PKHD1L1: variants seen among roughly 807,000 people sequenced by gnomAD.
The protein encoded by PKHD1L1 is fibrocystin-L.
PKHD1L1 carries 434 observed loss-of-function variants against 462.9 expected under a neutral mutation model. The ratio of observed to expected loss-of-function variants is 0.94; its 90% CI spans 0.87 to 1.02. The LOEUF (loss-of-function observed/expected upper bound fraction) is 1.02. Among genes scored for constraint, PKHD1L1 ranks in the 50% least tolerant of loss-of-function variants. PKHD1L1 has a pLI of 0.00. For synonymous variants in PKHD1L1, 1,781 were observed against 1,750.0 expected (o/e 1.02, Z -0.44); for missense variants, 5,202 against 5,096.1 (o/e 1.02, Z -0.63).
intron 76 of PKHD1L1, among the ~76,000 whole-genome samples, chr8:109,524,529 G>A (rs958918388): frequency 1.3e-5 from 2 of 152,080 alleles, no homozygotes; most frequent in Non-Finnish European, 2.9e-5. Context: ...GACCCAATAA[G>A]TATCCAGTGG....
chr8:109,420,581 T>C lies in PKHD1L1; in HGVS notation c.2588T>C (p.Val863Ala). ...GGAATATTCTTAGAGCACTTTCAGG[T>C]GAATCAGACCAAAACAAATGGGCCA... The part of the protein sequence containing the change: ...NKGIFLEHFQ[V>A]NQTKTNGPTM... Residue 863 changes from valine (V) to alanine (A), a missense_variant, in exon 23 of 78, where the codon GTG becomes GCG. Val to Ala is a moderately conservative substitution (Grantham distance 64). Coordinates refer to ENST00000378402, the MANE Select transcript of PKHD1L1 (RefSeq NM_177531.6). 1 of 1,610,338 alleles carries C rather than the reference T, an allele frequency of 6.2e-7. No individual in the cohort carries two copies. Among genetic ancestry groups the C allele is most frequent in the Non-Finnish European group, 8.5e-7 (1 of 1,178,332 alleles).
chr8:109,401,691 A>T, intron 14 of PKHD1L1, 103 bp downstream of exon 14: 1 of 562,704 alleles, frequency 1.8e-6, no homozygotes, highest in Non-Finnish European at 3.0e-6. Context: ...AAGTGATATT[A>T]GTTTATTGGT....
At chr8:109,451,264 T>G in intron 41 of PKHD1L1, 115 bp downstream of exon 41, 1 of 1,132,942 alleles carries the variant, frequency 8.8e-7, no homozygotes, top group Non-Finnish European at 1.2e-6. Context: ...TGTACCTATA[T>G]GCTCGTAACT....
intron 34 of PKHD1L1, among the ~76,000 whole-genome samples, chr8:109,441,746 G>T (rs1035888823): frequency 6.6e-6 from 1 of 151,942 alleles, no homozygotes; most frequent in South Asian, 2.1e-4. Flanking sequence ...ACTATTTATT[G>T]ACTTTCCAAT....
chr8:109,396,829 G>A (rs1441754969), intron 11 of PKHD1L1, among the ~76,000 whole-genome samples: 1 of 152,158 alleles, frequency 6.6e-6, no homozygotes, highest in African/African-American at 2.4e-5. Context: ...ATGCAACAAG[G>A]CATATGCATT....
chr8:109,511,765 A>G (rs1003432618), intron 71 of PKHD1L1, among the ~76,000 whole-genome samples: 19 of 152,154 alleles, frequency 1.2e-4, no homozygotes, highest in African/African-American at 1.9e-4. Flanking sequence ...CTGAGGAATC[A>G]CCACACTGAC....
chr8:109,453,051 A>G (rs576580085), intron 43 of PKHD1L1, among the ~76,000 whole-genome samples, 177 bp downstream of exon 43: 1 of 152,290 alleles, frequency 6.6e-6, no homozygotes, highest in East Asian at 1.9e-4. Flanking sequence ...GATATTATTT[A>G]ATGTGTTGCA....
chr8:109,414,920 A>G (rs1814054992), intron 21 of PKHD1L1, among the ~76,000 whole-genome samples: 4 of 151,498 alleles, frequency 2.6e-5, no homozygotes, highest in Admixed American at 2.6e-4. Context: ...CTGCTGCTCA[A>G]ATCTGCAATT....
intron 1 of PKHD1L1, among the ~76,000 whole-genome samples, chr8:109,363,542 A>G (rs1027408336): frequency 4.6e-5 from 7 of 152,156 alleles, no homozygotes; most frequent in Non-Finnish European, 5.9e-5. Flanking sequence ...TCTTTGTATC[A>G]TCCCTTAAAT....
intron 2 of PKHD1L1, among the ~76,000 whole-genome samples, chr8:109,379,353 T>C (rs974914692): frequency 2.6e-5 from 4 of 152,278 alleles, no homozygotes; most frequent in Middle Eastern, 3.4e-3. Flanking sequence ...TATACTGCCA[T>C]AGAATTCCAT....
intron 75 of PKHD1L1, 112 bp from the exon 76 acceptor site, chr8:109,523,121 G>C: frequency 8.8e-7 from 1 of 1,131,024 alleles, no homozygotes; most frequent in South Asian, 1.8e-5. Flanking sequence ...AGGAGCTTCT[G>C]CAGATTTTCA....
chr8:109,410,360 C>T (rs1357868100), intron 19 of PKHD1L1, among the ~76,000 whole-genome samples: 1 of 152,100 alleles, frequency 6.6e-6, no homozygotes, highest in Admixed American at 6.6e-5. Flanking sequence ...GTAGGCTGTA[C>T]AGGAAGCATG....
chr8:109,436,593 T>TA, intron 30 of PKHD1L1, 134 bp downstream of exon 30: 1 of 1,362,610 alleles, frequency 7.3e-7, no homozygotes, highest in Non-Finnish European at 9.7e-7. Flanking sequence ...TTATGCTCCT[T>TA]AAAACTTATT....
In PKHD1L1 at chr8:109,526,791, T is replaced by A. The variant is rs947431733; in HGVS notation, c.12492T>A (p.Asn4164Lys). The change falls in exon 77 of 78, where the codon AAT becomes AAA. Residue 4164 changes from asparagine (N) to lysine (K), a missense_variant. By Grantham distance (94) the Asn-to-Lys change is moderately conservative (BLOSUM62 0). Coordinates refer to ENST00000378402, the MANE Select transcript of PKHD1L1 (RefSeq NM_177531.6). ...TDLTPLRTGK[N>K]YKIEFILDNV... ...GATGCTTTTTTTTTCCAGGAAAAAA[T>A]TATAAGATTGAATTTATACTGGATA... 5.2e-5 allele frequency: 80 copies of A among 1,546,084 alleles called. No homozygotes were observed. Among genetic ancestry groups the A allele is most frequent in the Non-Finnish European group, 6.7e-5 (77 of 1,144,182 alleles).
Position 109,441,346 on chromosome 8 carries a change from A to C in PKHD1L1, c.4171A>C (p.Ile1391Leu), listed in dbSNP as rs1815782403. 6.3e-7 allele frequency: 1 copy of C among 1,580,230 alleles called. No individual in the cohort carries two copies. Among genetic ancestry groups the C allele is most frequent in the Non-Finnish European group, 8.6e-7 (1 of 1,157,032 alleles). The change falls in exon 34 of 78, where the codon ATA becomes CTA. Residue 1391 changes from isoleucine (I) to leucine (L), a missense_variant. Around this residue, in one of 3 missense-constraint regions of PKHD1L1, gnomAD observed 4,497 missense variants for 4,336.8 expected, o/e 1.04. Transcript: ENST00000378402. ...ATGTATTCTTCATTCAACTGGGAAT[A>C]TATTCAGGATTACCAACAATGGGAA... Reference protein sequence around the residue: ...IKCILHSTGNIFRITNNGKDS... With the variant: ...IKCILHSTGNLFRITNNGKDS...
rs765457475 is a variant in PKHD1L1, at chr8:109,414,604, A to C, written c.2360+1059A>C. Among the ~76,000 whole-genome samples the C allele has an allele frequency of 9.0e-4, 137 of 152,168 alleles. 1 individual carries two copies. Among genetic ancestry groups the C allele is most frequent in the Non-Finnish European group, 1.7e-3 (117 of 68,012 alleles). ...ATGTAAGTTTCCATCATTTTATAAG[A>C]TATGGAGAGCATTATTCTATTATAA... On this transcript the variant is annotated intron_variant, in intron 21 of 77. Coordinates refer to ENST00000378402, the MANE Select transcript of PKHD1L1 (RefSeq NM_177531.6).
At chr8:109,402,615 G>T (rs886298235) in intron 14 of PKHD1L1, among the ~76,000 whole-genome samples, 1 of 152,166 alleles carries the variant, frequency 6.6e-6, no homozygotes, top group African/African-American at 2.4e-5. Flanking sequence ...CTCTGTCTGT[G>T]TCATATTTGC....
At chr8:109,364,151 G>C (rs1811112128) in intron 1 of PKHD1L1, among the ~76,000 whole-genome samples, 1 of 152,102 alleles carries the variant, frequency 6.6e-6, no homozygotes, top group Non-Finnish European at 1.5e-5. Context: ...CATTTCTTCT[G>C]TGCTCTTATA....
At position 109,476,603 on chromosome 8, in the gene PKHD1L1, T is replaced by C. The variant is rs766806477; in HGVS notation, c.8853T>C (p.Asn2951=). ...GGAATGGTTCCTCAAATCCATTGAA[T>C]TGGAATACTAGCAAGAATGGGGACT... The part of the protein sequence containing the change: ...DMRNGSSNPL[N]WNTSKNGDWH... The change falls in exon 52 of 78, where the codon AAT becomes AAC. Residue 2951 remains asparagine (N), a synonymous_variant. Coordinates refer to ENST00000378402, the MANE Select transcript of PKHD1L1 (RefSeq NM_177531.6). The C allele has an allele frequency of 1.5e-5, 24 of 1,593,822 alleles. No homozygotes were observed. In the South Asian group the frequency reaches 1.7e-4, roughly 11 times the overall value.
Sources: allele counts gnomAD v4.1 joint callset (sites outside exome capture counted in the v4.1 genomes callset), GRCh38; gene constraint gnomAD v4.1.1; regional missense constraint gnomAD v4.1.1; transcripts MANE v1.5; gene names NCBI Gene and HGNC (gene_info 2026-07-23, HGNC 2026-07-21).